SPECC1: variants seen among roughly 807,000 people sequenced by gnomAD.
SPECC1 encodes the protein cytospin-B.
In SPECC1, 62 loss-of-function variants were observed where a neutral mutation model predicts 104.1. The ratio of observed to expected loss-of-function variants is 0.60; its 90% CI spans 0.49 to 0.74. The LOEUF (loss-of-function observed/expected upper bound fraction) is 0.74, where lower values mean the gene tolerates loss of function less well. Ranked by LOEUF, SPECC1 falls within the 30% of genes least tolerant of loss-of-function variation. SPECC1 has a pLI of 0.00. For missense variants in SPECC1, 1,306 were observed against 1,310.5 expected, an observed-to-expected ratio of 1.00 and a Z score of 0.05; for synonymous variants, 513 against 501.6, an observed-to-expected ratio of 1.02 and a Z score of -0.30.
At chr17:20,046,093 G>T (rs898778991) in intron 1 of SPECC1, among the ~76,000 whole-genome samples, 2 of 150,556 alleles carry the variant, frequency 1.3e-5, no homozygotes, top group Admixed American at 1.3e-4. Context: ...GACGCTTTGA[G>T]AATTCTTTTT....
At chr17:20,163,781 G>A (rs186846963) in intron 3 of SPECC1, among the ~76,000 whole-genome samples, 14 of 152,184 alleles carry the variant, frequency 9.2e-5, no homozygotes, top group Non-Finnish European at 1.6e-4. Context: ...GGCTGGTCTT[G>A]AACTCCTGGG....
intron 3 of SPECC1, among the ~76,000 whole-genome samples, chr17:20,118,918 G>A (rs1364199157): frequency 1.3e-5 from 2 of 151,852 alleles, no homozygotes; most frequent in Non-Finnish European, 1.5e-5. Context: ...TTTGCTTATA[G>A]CATCTGCTCC....
chr17:20,188,680 C>T (rs1158981481), intron 3 of SPECC1, among the ~76,000 whole-genome samples: 1 of 152,164 alleles, frequency 6.6e-6, no homozygotes, highest in East Asian at 1.9e-4. Flanking sequence ...CTTTTATGAA[C>T]TGAGTTTTGT....
intron 3 of SPECC1, among the ~76,000 whole-genome samples, chr17:20,120,724 T>C (rs932525254): frequency 5.9e-5 from 9 of 152,184 alleles, no homozygotes; most frequent in Non-Finnish European, 1.3e-4. Flanking sequence ...TTGAGAAAGA[T>C]TTTTGTCATG....
At chr17:20,297,791 T>C (rs2041403367) in intron 13 of SPECC1, among the ~76,000 whole-genome samples, 2 of 152,202 alleles carry the variant, frequency 1.3e-5, no homozygotes, top group African/African-American at 4.8e-5. Context: ...GAGCATACTT[T>C]GGAAAATACT....
chr17:20,051,107 TC>T (rs2045745355), intron 1 of SPECC1, among the ~76,000 whole-genome samples: 2 of 131,042 alleles, frequency 1.5e-5, no homozygotes, highest in Admixed American at 1.6e-4. Context: ...TTTCTTTCTT[TC>T]TTTCTTTCTT....
chr17:20,023,115 A>G lies in SPECC1; in HGVS notation c.-22+13691A>G, dbSNP rs529719444. ...CTGAAAACTTTTTCTGTGAAGAGCT[A>G]TAGAGTAAATATTTTAGGCTTTGCA... is the stretch of plus-strand genomic sequence containing the variant. On this transcript the variant is annotated intron_variant, in intron 1 of 14. Coordinates refer to ENST00000395527, the MANE Select transcript of SPECC1 (RefSeq NM_001243439.2). 4.6e-3 allele frequency among the ~76,000 whole-genome samples: 694 copies of G among 152,310 alleles called. 6 individuals are homozygous for G. The highest frequency in any genetic ancestry group is 7.4e-3 in the Non-Finnish European group (503 of 68,012).
intron 4 of SPECC1, among the ~76,000 whole-genome samples, chr17:20,212,347 G>A (rs1239439769): frequency 8.5e-5 from 13 of 152,080 alleles, no homozygotes; most frequent in South Asian, 2.1e-4. Flanking sequence ...GAATTAGCCC[G>A]TTTTCATGCT....
intron 3 of SPECC1, among the ~76,000 whole-genome samples, chr17:20,142,316 G>A (rs1279116814): frequency 6.6e-6 from 1 of 152,066 alleles, no homozygotes; most frequent in African/African-American, 2.4e-5. Flanking sequence ...TCCACTTCTG[G>A]TTATATACCC....
chr17:20,156,700 A>G (rs938410552), intron 3 of SPECC1, among the ~76,000 whole-genome samples: 1 of 152,126 alleles, frequency 6.6e-6, no homozygotes, highest in African/African-American at 2.4e-5. Flanking sequence ...CTAACCCAGA[A>G]TAGTCCGTGC....
At chr17:20,046,869 G>C (rs2045559567) in intron 1 of SPECC1, among the ~76,000 whole-genome samples, 1 of 139,244 alleles carries the variant, frequency 7.2e-6, no homozygotes, top group African/African-American at 2.6e-5. Flanking sequence ...GGGCACGTGG[G>C]GTGGGGGGTG....
intron 3 of SPECC1, among the ~76,000 whole-genome samples, chr17:20,165,844 C>T (rs1270268923): frequency 6.6e-6 from 1 of 151,472 alleles, no homozygotes; most frequent in East Asian, 1.9e-4. Context: ...TAAATATTTT[C>T]TTTAGAAAAG....
At chr17:20,180,225 G>T (rs148416316) in intron 3 of SPECC1, among the ~76,000 whole-genome samples, 87 of 152,288 alleles carry the variant, frequency 5.7e-4, no homozygotes, top group African/African-American at 2.1e-3. Context: ...AGAGGAAAAA[G>T]ATGAAATGAG....
At chr17:20,279,994 A>G (rs1040334678) in intron 12 of SPECC1, among the ~76,000 whole-genome samples, 1 of 152,134 alleles carries the variant, frequency 6.6e-6, no homozygotes, top group Non-Finnish European at 1.5e-5. Flanking sequence ...ACATAGTCGC[A>G]TGTGTGTTGT....
intron 3 of SPECC1, among the ~76,000 whole-genome samples, chr17:20,168,022 A>C (rs73301547): frequency 0.021 from 3,268 of 152,318 alleles, 118 homozygotes; most frequent in African/African-American, 0.074. Flanking sequence ...ATATAGCCAA[A>C]ATTATGAAGG....
At chr17:20,191,487 C>CTTTTTTTTT (rs57417459) in intron 3 of SPECC1, among the ~76,000 whole-genome samples, 1 of 128,396 alleles carries the variant, frequency 7.8e-6, no homozygotes, top group Non-Finnish European at 1.7e-5. Flanking sequence ...TGTGGAGCAG[C>CTTTTTTTTT]TTTTTTTTTT....
At chr17:20,069,278 C>A (rs745532671) in intron 1 of SPECC1, among the ~76,000 whole-genome samples, 1 of 152,194 alleles carries the variant, frequency 6.6e-6, no homozygotes. Flanking sequence ...CTATAAAGGA[C>A]GTGATCTTGT....
chr17:20,176,332 C>T (rs2034470448), intron 3 of SPECC1, among the ~76,000 whole-genome samples: 4 of 152,178 alleles, frequency 2.6e-5, no homozygotes, highest in South Asian at 2.1e-4. Flanking sequence ...CGTTTTCCTA[C>T]TTTTCAGTCA....
intron 1 of SPECC1, among the ~76,000 whole-genome samples, chr17:20,010,989 G>C (rs1011311259): frequency 2.0e-5 from 3 of 152,170 alleles, no homozygotes; most frequent in Non-Finnish European, 4.4e-5. Flanking sequence ...CACATTGCTA[G>C]ATTTTCTTTC....
Sources: allele counts gnomAD v4.1 joint callset (sites outside exome capture counted in the v4.1 genomes callset), GRCh38; gene constraint gnomAD v4.1.1; transcripts MANE v1.5; gene names NCBI Gene and HGNC (gene_info 2026-07-23, HGNC 2026-07-21).